Variants in DUSP11 observed in about 807,000 individuals in gnomAD.
The protein encoded by DUSP11 is RNA/RNP complex-1-interacting phosphatase.
A neutral mutation model predicts 41.4 loss-of-function variants in DUSP11; 27 were observed. The ratio of observed to expected loss-of-function variants is 0.65; its 90% CI spans 0.48 to 0.90. The LOEUF (loss-of-function observed/expected upper bound fraction) is 0.90. DUSP11 is among the 40% of genes least tolerant of loss of function. The pLI is 0.00. For synonymous variants in DUSP11, 188 were observed against 159.3 expected (o/e 1.18, Z -1.35); for missense variants, 465 against 461.1 (o/e 1.01, Z -0.08).
chr2:73,763,178 G>A (rs1376428197), intron 8 of DUSP11, among the ~76,000 whole-genome samples: 3 of 152,128 alleles, frequency 2.0e-5, no homozygotes, highest in African/African-American at 7.2e-5. Flanking sequence ...TTTCCCTACA[G>A]AGATAAATGC....
intron 2 of DUSP11, among the ~76,000 whole-genome samples, chr2:73,775,345 T>A (rs1375525412): frequency 6.6e-6 from 1 of 151,912 alleles, no homozygotes; most frequent in African/African-American, 2.4e-5. Context: ...GCTTATCATA[T>A]TTAGTGCTTA....
Position 73,766,661 on chromosome 2 carries a change from A to AT in DUSP11, c.759-68dup, listed in dbSNP as rs574454673. On this transcript the variant is annotated intron_variant, in intron 7 of 8. Transcript: ENST00000272444. ...ATTTAGTAGTCAATTTAGTGACTAT[A>AT]TTTTGGCATATGAAAATAACAATTT... The AT allele has an allele frequency of 2.6e-4, 387 of 1,486,698 alleles. 1 individual carries two copies. In the African/African-American group the frequency reaches 3.7e-3, roughly 14 times the overall value. The allele number at this position is 1,486,698 out of a possible 1,614,324, so 92.1% of individuals were successfully genotyped here. A position where few individuals can be genotyped will look rare whatever the true frequency, so the allele number is the denominator to read the frequency against.
chr2:73,766,500 T>C (rs1458691342), exon 8 of DUSP11: 6 of 1,614,150 alleles, frequency 3.7e-6, no homozygotes, highest in South Asian at 3.3e-5. Context: ...AGATTATACC[T>C]AGGTCCTTGT....
At chr2:73,776,698 TGAGA>T (rs1045050403) in intron 2 of DUSP11, among the ~76,000 whole-genome samples, 8 of 152,144 alleles carry the variant, frequency 5.3e-5, no homozygotes, top group Non-Finnish European at 1.0e-4. Context: ...ACAAAAAAAA[TGAGA>T]GAAAGAACTA....
chr2:73,776,940 TCA>T (rs1262236885), intron 2 of DUSP11, among the ~76,000 whole-genome samples: 1 of 152,198 alleles, frequency 6.6e-6, no homozygotes, highest in Non-Finnish European at 1.5e-5. Flanking sequence ...CCTTAGAGTA[TCA>T]CACAGAATAG....
At chr2:73,778,366 A>G (rs1297799598) in exon 2 of DUSP11, 1 of 1,545,072 alleles carries the variant, frequency 6.5e-7, no homozygotes, top group Non-Finnish European at 8.7e-7. Flanking sequence ...ACTGGGAGAT[A>G]GTCTTTCCAC....
exon 1 of DUSP11, chr2:73,780,024 A>G: frequency 6.2e-7 from 1 of 1,614,084 alleles, no homozygotes; most frequent in Non-Finnish European, 8.5e-7. Context: ...CAAAAGCGCC[A>G]GTCCGGCGCC....
exon 8 of DUSP11, chr2:73,766,500 T>G: frequency 6.2e-7 from 1 of 1,614,150 alleles, no homozygotes; most frequent in Non-Finnish European, 8.5e-7. Flanking sequence ...AGATTATACC[T>G]AGGTCCTTGT....
chr2:73,766,525 GTGGAC>G lies in DUSP11; in HGVS notation c.823_827del (p.Val275GlnfsTer2). The G allele has an allele frequency of 6.2e-7, 1 of 1,614,104 alleles. No individual in the cohort carries two copies. Among genetic ancestry groups the G allele is most frequent in the Non-Finnish European group, 8.5e-7 (1 of 1,179,994 alleles). On this transcript the variant is annotated frameshift_variant, in exon 8 of 9. Transcript: ENST00000272444. LOFTEE classifies it high-confidence loss of function. ...TAGGTCCTTGTTTAACAGGCTTATT[GTGGAC>G]TGGTTGCATGAGATGTGCTGAGTCT...
At chr2:73,771,660 A>ATTT (rs34330062) in intron 4 of DUSP11, among the ~76,000 whole-genome samples, 9 of 134,906 alleles carry the variant, frequency 6.7e-5, no homozygotes, top group African/African-American at 1.9e-4. Flanking sequence ...TGCCTGGGTT[A>ATTT]TTTTTTTTTT....
intron 5 of DUSP11, 89 bp downstream of exon 5, chr2:73,769,176 T>A (rs1053094583): frequency 3.6e-6 from 4 of 1,106,124 alleles, no homozygotes; most frequent in East Asian, 2.3e-5. Flanking sequence ...TGTATTTCTA[T>A]ACCAGTTCCA....
At chr2:73,779,325 G>C (rs575302908) in intron 1 of DUSP11, 36 of 161,220 alleles carry the variant, frequency 2.2e-4, no homozygotes, top group African/African-American at 8.6e-4. Context: ...GTGGAGGATG[G>C]TCTCAAGGAG....
chr2:73,765,734 T>C (rs1672448848), intron 8 of DUSP11, among the ~76,000 whole-genome samples: 1 of 152,250 alleles, frequency 6.6e-6, no homozygotes, highest in Admixed American at 6.5e-5. Context: ...GCTATTTCTC[T>C]ATTAGGATTT....
intron 1 of DUSP11, chr2:73,779,667 T>C (rs1438395991): frequency 2.6e-6 from 2 of 765,762 alleles, no homozygotes; most frequent in East Asian, 2.7e-5. Flanking sequence ...ACCTCCCTTT[T>C]ACAAGAATAT....
At chr2:73,778,337 C>A in exon 2 of DUSP11, 1 of 1,554,292 alleles carries the variant, frequency 6.4e-7, no homozygotes, top group Admixed American at 2.1e-5. Flanking sequence ...TGAAACGAGT[C>A]CCAGGCATCC....
intron 3 of DUSP11, 75 bp from the exon 4 acceptor site, chr2:73,773,998 A>G (rs1672633890): frequency 8.0e-7 from 1 of 1,252,854 alleles, no homozygotes. Flanking sequence ...TAGGGGACCC[A>G]GAATATAAGC....
At chr2:73,766,644 G>T in intron 7 of DUSP11, 50 bp from the exon 8 acceptor site, 1 of 1,538,004 alleles carries the variant, frequency 6.5e-7, no homozygotes, top group Non-Finnish European at 8.8e-7. Context: ...AAATTTAGTA[G>T]TCAATTTAGT....
intron 2 of DUSP11, among the ~76,000 whole-genome samples, chr2:73,777,610 T>C (rs973707421): frequency 6.6e-6 from 1 of 152,218 alleles, no homozygotes; most frequent in Non-Finnish European, 1.5e-5. Flanking sequence ...ATATTTCTGA[T>C]TGTGACCATG....
At chr2:73,775,185 A>G in intron 2 of DUSP11, 141 bp from the exon 3 acceptor site, 1 of 680,914 alleles carries the variant, frequency 1.5e-6, no homozygotes, top group Non-Finnish European at 2.3e-6. Context: ...AAGGTATATT[A>G]CAACAATCCT....
Sources: allele counts gnomAD v4.1 joint callset (sites outside exome capture counted in the v4.1 genomes callset), GRCh38; gene constraint gnomAD v4.1.1; transcripts MANE v1.5; gene names NCBI Gene and HGNC (gene_info 2026-07-23, HGNC 2026-07-21).